SLC12A6: variants seen among roughly 807,000 people sequenced by gnomAD.
SLC12A6 encodes solute carrier family 12 member 6.
Under a neutral mutation model 135.3 loss-of-function variants are expected in SLC12A6, and 66 were observed. The observed-to-expected ratio is 0.49, with a 90% CI of 0.40 to 0.60. The LOEUF (loss-of-function observed/expected upper bound fraction) is 0.60, where lower values mean the gene tolerates loss of function less well. Among genes scored for constraint, SLC12A6 ranks in the 20% least tolerant of loss-of-function variants. The pLI is 0.00. For synonymous variants in SLC12A6, 513 were observed against 508.8 expected, an observed-to-expected ratio of 1.01 and a Z score of -0.11; for missense variants, 1,058 against 1,452.3, an observed-to-expected ratio of 0.73 and a Z score of 4.41.
chr15:34,260,076 T>A (rs1893007281), intron 4 of SLC12A6, among the ~76,000 whole-genome samples: 2 of 152,170 alleles, frequency 1.3e-5, no homozygotes, highest in Admixed American at 6.5e-5. Flanking sequence ...AAAGTCAAAT[T>A]CAAATATTTT....
rs1044724997 is a variant in SLC12A6 at position 34,240,792 on chromosome 15, A to C, written c.2305T>G (p.Leu769Val). The C allele has an allele frequency of 1.2e-5, 19 of 1,614,072 alleles. No individual in the cohort carries two copies. The highest frequency in any genetic ancestry group is 1.6e-5 in the Non-Finnish European group (19 of 1,179,978). ...AGGAGGCGAGGATGCTTGACATGTA[A>C]GTCTTCATCTAGTTTCAGTAATACA... ...LLVLLKLDED[L>V]HVKHPRLLTF... Residue 769 changes from leucine (L) to valine (V), a missense_variant, in exon 19 of 26, where the codon TTA becomes GTA. Around this residue, in one of 6 missense-constraint regions of SLC12A6, gnomAD observed 170 missense variants for 297.6 expected, o/e 0.57. Transcript: ENST00000354181.
At chr15:34,286,320 C>T (rs1419754161) in intron 2 of SLC12A6, among the ~76,000 whole-genome samples, 1 of 151,798 alleles carries the variant, frequency 6.6e-6, no homozygotes, top group Admixed American at 6.6e-5. Flanking sequence ...AAGTGATCTG[C>T]CCACCTCAGC....
At chr15:34,310,218 C>T (rs1888070051) in intron 2 of SLC12A6, among the ~76,000 whole-genome samples, 1 of 130,176 alleles carries the variant, frequency 7.7e-6, no homozygotes. Flanking sequence ...TCCCTGTGTC[C>T]AGGCTAGTGT....
At chr15:34,299,640 G>A (rs1402137838) in intron 2 of SLC12A6, 1 of 152,182 alleles carries the variant, frequency 6.6e-6, no homozygotes, top group East Asian at 1.9e-4. Flanking sequence ...TTAACATGAA[G>A]ATTGTTTGCT....
chr15:34,230,854 T>A lies in SLC12A6; in HGVS notation c.*3027A>T, dbSNP rs1890876926. On this transcript the variant is annotated 3_prime_UTR_variant, in exon 26 of 26. Transcript: ENST00000354181. ...GATTTTGTGTTTCGGGCTGAAGCAG[T>A]GGTTATATTAAAAGCCACTAATTCC... The A allele has an allele frequency of 6.6e-6, 1 of 152,594 alleles. No homozygotes were observed. The highest frequency in any genetic ancestry group is 1.5e-5 in the Non-Finnish European group (1 of 68,038). 9.5% of individuals were successfully genotyped at this position (152,594 alleles called of 1,614,324 possible).
chr15:34,337,674 G>C lies in SLC12A6; in HGVS notation c.-415C>G, dbSNP rs1890288057. On this transcript the variant is annotated 5_prime_UTR_variant, in exon 1 of 26. Coordinates refer to ENST00000354181, the MANE Select transcript of SLC12A6 (RefSeq NM_001365088.1). ...AGTAGAGGAGGAGACGGCCACGCAG[G>C]CTGGCCTGACTGGGCAGCAGGGTGA... 6.6e-6 allele frequency: 1 copy of C among 152,452 alleles called. No individual in the cohort carries two copies. Among genetic ancestry groups the C allele is most frequent in the African/African-American group, 2.4e-5 (1 of 41,468 alleles). 9.4% of individuals were successfully genotyped at this position (152,452 alleles called of 1,614,324 possible).
At chr15:34,306,354 TG>T (rs150031985) in intron 2 of SLC12A6, among the ~76,000 whole-genome samples, 4,154 of 152,294 alleles carry the variant, frequency 0.027, 193 homozygotes, top group African/African-American at 0.095. Context: ...GCCACAGGGA[TG>T]GGAAGATCTC....
chr15:34,246,766 C>G (rs1892019077), intron 13 of SLC12A6, among the ~76,000 whole-genome samples: 1 of 152,066 alleles, frequency 6.6e-6, no homozygotes, highest in Admixed American at 6.5e-5. Context: ...CCTGCCTCAT[C>G]CTCCCACGTG....
chr15:34,282,063 G>C (rs938447262), intron 2 of SLC12A6, among the ~76,000 whole-genome samples: 1 of 152,110 alleles, frequency 6.6e-6, no homozygotes, highest in Non-Finnish European at 1.5e-5. Context: ...ATAGTGGCTT[G>C]TGTAGACAGT....
At chr15:34,254,765 A>ATT (rs11345194) in intron 8 of SLC12A6, among the ~76,000 whole-genome samples, 176 bp from the exon 9 acceptor site, 71 of 142,034 alleles carry the variant, frequency 5.0e-4, no homozygotes, top group African/African-American at 1.1e-3. Context: ...GATGTCATGG[A>ATT]TTTTTTTTTT....
chr15:34,315,022 A>G (rs977236475), intron 2 of SLC12A6, among the ~76,000 whole-genome samples: 3 of 152,182 alleles, frequency 2.0e-5, no homozygotes, highest in African/African-American at 4.8e-5. Flanking sequence ...ACCTGAATAG[A>G]TAAGGAGTTG....
chr15:34,333,232 C>CTT (rs572611561), intron 2 of SLC12A6, among the ~76,000 whole-genome samples: 29 of 133,484 alleles, frequency 2.2e-4, no homozygotes, highest in African/African-American at 4.3e-4. Flanking sequence ...TTTTCTTTTT[C>CTT]TTTTTTTTTT....
intron 5 of SLC12A6, among the ~76,000 whole-genome samples, chr15:34,258,435 C>G (rs762329754): frequency 6.6e-6 from 1 of 152,208 alleles, no homozygotes; most frequent in Non-Finnish European, 1.5e-5. Flanking sequence ...CTCCCATCAG[C>G]TAGATCTCTC....
intron 2 of SLC12A6, among the ~76,000 whole-genome samples, chr15:34,276,114 T>C (rs1440330091): frequency 2.0e-5 from 3 of 152,136 alleles, no homozygotes; most frequent in Admixed American, 6.6e-5. Flanking sequence ...GTAACTTCTG[T>C]ATTGTATATA....
chr15:34,296,321 A>T (rs542439597), intron 2 of SLC12A6, among the ~76,000 whole-genome samples: 1 of 152,194 alleles, frequency 6.6e-6, no homozygotes, highest in Non-Finnish European at 1.5e-5. Context: ...CAGTTTTTAA[A>T]ATATTTTCAC....
chr15:34,290,945 T>C (rs1895477027), intron 2 of SLC12A6, among the ~76,000 whole-genome samples: 1 of 152,228 alleles, frequency 6.6e-6, no homozygotes, highest in African/African-American at 2.4e-5. Flanking sequence ...AATTTGCCAG[T>C]CTGTGTCTTT....
In SLC12A6 at chr15:34,283,381, A is replaced by G. The variant is rs538582089; in HGVS notation, c.272-7992T>C. ...AATAAAAATAGAAAAGATAATTAAT[A>G]AGATAATTTCAGCTTATGGTGTTAT... On this transcript the variant is annotated intron_variant, in intron 2 of 25. Transcript: ENST00000354181. Among the ~76,000 whole-genome samples, 13 of 63,506 alleles carry G rather than the reference A, an allele frequency of 2.0e-4. No individual in the cohort carries two copies. In the South Asian group the frequency reaches 2.5e-3, roughly 12 times the overall value. 41.7% of individuals were successfully genotyped at this position (63,506 alleles called of 152,430 possible). A position where few individuals can be genotyped will look rare whatever the true frequency, so the allele number is the denominator to read the frequency against.
chr15:34,334,265 G>A (rs1160565475), intron 2 of SLC12A6, among the ~76,000 whole-genome samples: 1 of 152,060 alleles, frequency 6.6e-6, no homozygotes, highest in East Asian at 1.9e-4. Flanking sequence ...AAAATTCAGA[G>A]AACTGTAAAT....
chr15:34,241,039 T>C lies in SLC12A6; in HGVS notation c.2267+194A>G, dbSNP rs550227596. 4 of 651,694 alleles carry C rather than the reference T, an allele frequency of 6.1e-6. No individual in the cohort carries two copies. In the South Asian group the frequency reaches 7.2e-5, roughly 12 times the overall value. The allele number at this position is 651,694 out of a possible 1,614,324, so 40.4% of individuals were successfully genotyped here. On this transcript the variant is annotated intron_variant, in intron 18 of 25. Transcript: ENST00000354181. ...TTGATCAGTCTTCAAGGAAGAATAA[T>C]AAATTGTAGAAATCTTGATCATAAA...
Sources: allele counts gnomAD v4.1 joint callset (sites outside exome capture counted in the v4.1 genomes callset), GRCh38; gene constraint gnomAD v4.1.1; regional missense constraint gnomAD v4.1.1; transcripts MANE v1.5; gene names NCBI Gene and HGNC (gene_info 2026-07-23, HGNC 2026-07-21).